The following MEI4 variants were observed in gnomAD, a reference collection of about 807,000 sequenced individuals.
MEI4 encodes the protein meiotic double-stranded break formation protein 4, also known as meiosis-specific protein MEI4.
In MEI4, 27 loss-of-function variants were observed where a neutral mutation model predicts 31.4. The ratio of observed to expected loss-of-function variants is 0.86; its 90% CI spans 0.63 to 1.19. The LOEUF is 1.19. Among genes scored for constraint, MEI4 ranks in the 50% most tolerant of loss-of-function variants. The pLI, the probability that MEI4 is intolerant of heterozygous loss-of-function variation, is 0.00. For missense variants in MEI4, 329 were observed against 398.9 expected, an observed-to-expected ratio of 0.82 and a Z score of 1.49; for synonymous variants, 122 against 145.4, an observed-to-expected ratio of 0.84 and a Z score of 1.16.
At chr6:77,681,227 T>C (rs1456982209) in intron 1 of MEI4, among the ~76,000 whole-genome samples, 1 of 152,202 alleles carries the variant, frequency 6.6e-6, no homozygotes, top group Non-Finnish European at 1.5e-5. Flanking sequence ...TTCATTCTTA[T>C]TTTATGACAC....
chr6:77,767,476 C>T (rs954228761), intron 3 of MEI4, among the ~76,000 whole-genome samples: 1 of 152,142 alleles, frequency 6.6e-6, no homozygotes, highest in Non-Finnish European at 1.5e-5. Flanking sequence ...AGGCAGATCA[C>T]TTGAGCCCAG....
At chr6:77,867,836 G>A (rs1771086275) in intron 4 of MEI4, among the ~76,000 whole-genome samples, 1 of 152,118 alleles carries the variant, frequency 6.6e-6, no homozygotes, top group African/African-American at 2.4e-5. Context: ...AACAATGATA[G>A]ACTGGATTAA....
intron 4 of MEI4, among the ~76,000 whole-genome samples, chr6:77,880,150 C>T (rs565144860): frequency 3.9e-5 from 6 of 152,100 alleles, no homozygotes; most frequent in Non-Finnish European, 8.8e-5. Flanking sequence ...TAGTGTCTGT[C>T]CACATTGCCA....
chr6:77,698,017 A>T (rs937718097), intron 2 of MEI4, among the ~76,000 whole-genome samples: 4 of 152,058 alleles, frequency 2.6e-5, no homozygotes, highest in Non-Finnish European at 5.9e-5. Context: ...TTGCCATTAG[A>T]TAATGGTCTT....
intron 1 of MEI4, among the ~76,000 whole-genome samples, chr6:77,665,231 T>C (rs1225926715): frequency 6.7e-6 from 1 of 148,390 alleles, no homozygotes; most frequent in African/African-American, 2.5e-5. Flanking sequence ...AATAAGGGAT[T>C]GGGGCACAGA....
intron 4 of MEI4, among the ~76,000 whole-genome samples, chr6:77,919,531 C>T (rs1249142114): frequency 2.0e-5 from 3 of 151,614 alleles, no homozygotes; most frequent in Admixed American, 6.6e-5. Context: ...CACTAAATAC[C>T]CACAAGAGAA....
At chr6:77,910,933 T>G (rs1017663705) in intron 4 of MEI4, among the ~76,000 whole-genome samples, 7 of 151,374 alleles carry the variant, frequency 4.6e-5, no homozygotes, top group African/African-American at 1.7e-4. Flanking sequence ...TGGTTTTTTT[T>G]TTTTTTTTTG....
intron 1 of MEI4, among the ~76,000 whole-genome samples, chr6:77,684,931 T>C (rs2127650441): frequency 6.6e-6 from 1 of 152,270 alleles, no homozygotes; most frequent in Non-Finnish European, 1.5e-5. Context: ...CTCCAAACAG[T>C]TCTCCATAGT....
chr6:77,697,130 T>A (rs141004068), intron 2 of MEI4, among the ~76,000 whole-genome samples: 1 of 152,234 alleles, frequency 6.6e-6, no homozygotes, highest in Non-Finnish European at 1.5e-5. Flanking sequence ...TATCATTTTT[T>A]ATTGTGTCTA....
At chr6:77,874,118 G>C (rs1771269458) in intron 4 of MEI4, among the ~76,000 whole-genome samples, 1 of 151,926 alleles carries the variant, frequency 6.6e-6, no homozygotes, top group African/African-American at 2.4e-5. Flanking sequence ...GAACTTTAAA[G>C]TAGTTTTTTC....
intron 2 of MEI4, among the ~76,000 whole-genome samples, chr6:77,700,625 C>T (rs749034147): frequency 1.3e-5 from 2 of 152,198 alleles, no homozygotes; most frequent in African/African-American, 2.4e-5. Flanking sequence ...CTGGCACTCC[C>T]TAGTGGGATG....
intron 2 of MEI4, among the ~76,000 whole-genome samples, chr6:77,724,946 A>G (rs1766788106): frequency 6.9e-6 from 1 of 144,320 alleles, no homozygotes; most frequent in South Asian, 2.2e-4. Context: ...TTCCAGGGGC[A>G]TCAGAAACTG....
Position 77,842,368 on chromosome 6 carries a change from T to C in MEI4, c.900+13306T>C, listed in dbSNP as rs77741392. On this transcript the variant is annotated intron_variant, in intron 4 of 4. Coordinates refer to ENST00000684080, the MANE Select transcript of MEI4 (RefSeq NM_001322247.2). The stretch of plus-strand genomic sequence containing the variant: ...CTAGAAAAAAATTGAAGTGAAAGTA[T>C]GACATGATAATTTATGAGATGCATT... 6.0e-3 allele frequency among the ~76,000 whole-genome samples: 921 copies of C among 152,244 alleles called. 7 individuals carry two copies. Among genetic ancestry groups the C allele is most frequent in the African/African-American group, 0.02 (835 of 41,570 alleles).
intron 4 of MEI4, among the ~76,000 whole-genome samples, chr6:77,894,227 T>C (rs927292173): frequency 6.7e-6 from 1 of 149,904 alleles, no homozygotes; most frequent in African/African-American, 2.5e-5. Flanking sequence ...TTTTTCTTTA[T>C]GCAGAAATTT....
In MEI4 at chr6:77,699,096, T is replaced by C. The variant is rs9443454; in HGVS notation, c.232+8193T>C. The stretch of plus-strand genomic sequence containing the variant: ...GCTTCTGCATTCTTCACGTAGTTCT[T>C]GAGCCTTGGCCTTCAGCTCCATTAG... On this transcript the variant is annotated intron_variant, in intron 2 of 4. Coordinates refer to ENST00000684080, the MANE Select transcript of MEI4 (RefSeq NM_001322247.2). 6.9e-3 allele frequency among the ~76,000 whole-genome samples: 1,050 copies of C among 152,256 alleles called. 12 individuals are homozygous for C. The highest frequency in any genetic ancestry group is 0.024 in the African/African-American group (991 of 41,552).
At chr6:77,734,797 G>A (rs541008416) in intron 2 of MEI4, among the ~76,000 whole-genome samples, 103 of 151,692 alleles carry the variant, frequency 6.8e-4, no homozygotes, top group Middle Eastern at 6.8e-3. Flanking sequence ...CGTGTTTAGC[G>A]CTTCCTTCAG....
chr6:77,920,020 CAA>C (rs1766666336), intron 4 of MEI4, among the ~76,000 whole-genome samples: 1 of 146,434 alleles, frequency 6.8e-6, no homozygotes, highest in African/African-American at 2.5e-5. Context: ...GTTTACCAAC[CAA>C]AAAGAGTCCA....
intron 3 of MEI4, among the ~76,000 whole-genome samples, chr6:77,801,223 G>A (rs1769246900): frequency 1.3e-5 from 2 of 152,126 alleles, no homozygotes; most frequent in African/African-American, 4.8e-5. Context: ...AGTCTTGGGA[G>A]GGCGTATGTG....
At chr6:77,848,137 A>G (rs925634157) in intron 4 of MEI4, among the ~76,000 whole-genome samples, 2 of 152,216 alleles carry the variant, frequency 1.3e-5, no homozygotes, top group Non-Finnish European at 2.9e-5. Context: ...GAAAGCAACT[A>G]TAAGGTATAA....
Sources: gnomAD v4.1 joint callset for allele counts (sites outside exome capture counted in the v4.1 genomes callset) on GRCh38, gnomAD v4.1.1 for gene constraint, MANE v1.5 for transcripts, NCBI Gene and HGNC (gene_info 2026-07-23, HGNC 2026-07-21) for gene names.